SGCD: variants seen among roughly 807,000 people sequenced by gnomAD.
The protein encoded by SGCD is sarcoglycan delta.
In SGCD, 18 loss-of-function variants were observed where a neutral mutation model predicts 36.6. That is an observed-to-expected ratio of 0.49 (90% CI 0.34 to 0.73). The LOEUF (loss-of-function observed/expected upper bound fraction) is 0.73, where lower values mean the gene tolerates loss of function less well. Ranked by LOEUF, SGCD falls within the 30% of genes least tolerant of loss-of-function variation. SGCD has a pLI of 0.01. For missense variants in SGCD, 387 were observed against 346.7 expected, an observed-to-expected ratio of 1.12 and a Z score of -0.92; for synonymous variants, 133 against 130.6, an observed-to-expected ratio of 1.02 and a Z score of -0.12.
chr5:155,896,661 A>G (rs548245492), intron 1 of SGCD, among the ~76,000 whole-genome samples: 168 of 151,844 alleles, frequency 1.1e-3, no homozygotes, highest in African/African-American at 3.8e-3. Flanking sequence ...AAAAAAAGAC[A>G]ATAATAACAA....
At chr5:156,394,086 A>G (rs952087817) in intron 3 of SGCD, among the ~76,000 whole-genome samples, 3 of 152,228 alleles carry the variant, frequency 2.0e-5, no homozygotes, top group African/African-American at 4.8e-5. Context: ...TGAGAATACA[A>G]TATGTGGAGT....
At position 156,576,324 on chromosome 5, in the gene SGCD, T is replaced by C. The variant is rs538599352; in HGVS notation, c.295-12907T>C. Among the ~76,000 whole-genome samples the C allele has an allele frequency of 8.5e-5, 13 of 152,340 alleles. No homozygotes were observed. The East Asian group carries it at 1.9e-3, about 23-fold the overall frequency. ...CACATTTTCTTCATCCAGTCTATCATTGATGGACATTTGGGTTGGTTCCAA... is the reference window on the plus strand; with the variant it reads ...CACATTTTCTTCATCCAGTCTATCACTGATGGACATTTGGGTTGGTTCCAA... On this transcript the variant is annotated intron_variant, in intron 4 of 8. Coordinates refer to ENST00000337851, the MANE Select transcript of SGCD (RefSeq NM_000337.6).
chr5:156,214,317 T>C (rs1338410989), intron 3 of SGCD, among the ~76,000 whole-genome samples: 1 of 151,642 alleles, frequency 6.6e-6, no homozygotes, highest in Non-Finnish European at 1.5e-5. Context: ...AACAACAAAC[T>C]TCTGAAAAAT....
intron 3 of SGCD, among the ~76,000 whole-genome samples, chr5:156,143,178 A>G (rs1458901307): frequency 6.6e-6 from 1 of 152,210 alleles, no homozygotes; most frequent in Non-Finnish European, 1.5e-5. Flanking sequence ...CACTGCTTCA[A>G]AGAGTGCAAA....
chr5:156,557,625 A>G (rs1472178804), intron 4 of SGCD, among the ~76,000 whole-genome samples: 1 of 152,134 alleles, frequency 6.6e-6, no homozygotes, highest in East Asian at 1.9e-4. Flanking sequence ...ATACTGGAAG[A>G]TTATTAGAAG....
the SGCD span, among the ~76,000 whole-genome samples, chr5:155,757,300 A>G: frequency 1.3e-5 from 2 of 152,230 alleles, no homozygotes; most frequent in African/African-American, 4.8e-5. Context: ...CAGGTACTTC[A>G]CTAAGTGATT....
intron 1 of SGCD, among the ~76,000 whole-genome samples, chr5:156,003,629 C>T (rs775868323): frequency 6.6e-6 from 1 of 152,146 alleles, no homozygotes. Flanking sequence ...ATGATTTCCA[C>T]CAGTCCTCAT....
chr5:156,339,195 C>G (rs1200548723), intron 2 of SGCD, among the ~76,000 whole-genome samples: 3 of 152,176 alleles, frequency 2.0e-5, no homozygotes, highest in African/African-American at 7.2e-5. Context: ...TTCTTCCCAT[C>G]TAATGGCAAA....
chr5:156,002,276 G>A (rs557358923), intron 1 of SGCD, among the ~76,000 whole-genome samples: 4 of 152,252 alleles, frequency 2.6e-5, no homozygotes, highest in South Asian at 4.1e-4. Flanking sequence ...ATGGCACAGG[G>A]AGACGACACC....
At chr5:155,825,622 C>T in the SGCD span, among the ~76,000 whole-genome samples, 2 of 151,942 alleles carry the variant, frequency 1.3e-5, no homozygotes, top group Non-Finnish European at 2.9e-5. Context: ...AGAATTTTGC[C>T]TTTTCATACT....
chr5:155,877,949 C>A (rs762307409), intron 1 of SGCD, among the ~76,000 whole-genome samples: 25 of 152,028 alleles, frequency 1.6e-4, no homozygotes, highest in Non-Finnish European at 3.1e-4. Flanking sequence ...TTAATAAAGT[C>A]AGCCCCACTT....
At chr5:155,932,872 C>T (rs536499191) in intron 1 of SGCD, among the ~76,000 whole-genome samples, 7 of 152,166 alleles carry the variant, frequency 4.6e-5, no homozygotes, top group African/African-American at 7.2e-5. Flanking sequence ...AGGTGACCAC[C>T]GTGAAAAGCT....
At chr5:156,752,859 T>C (rs1757200634) in intron 7 of SGCD, among the ~76,000 whole-genome samples, 1 of 152,204 alleles carries the variant, frequency 6.6e-6, no homozygotes, top group Non-Finnish European at 1.5e-5. Flanking sequence ...GCTGTCCCCG[T>C]AGACAGCATC....
At chr5:156,465,104 C>T (rs1754663716) in intron 3 of SGCD, among the ~76,000 whole-genome samples, 2 of 151,990 alleles carry the variant, frequency 1.3e-5, no homozygotes, top group African/African-American at 4.8e-5. Flanking sequence ...TGTATGATTA[C>T]CAGAGGGATT....
At chr5:156,606,227 G>A (rs1761446190) in intron 6 of SGCD, among the ~76,000 whole-genome samples, 1 of 152,264 alleles carries the variant, frequency 6.6e-6, no homozygotes, top group South Asian at 2.1e-4. Context: ...TTTGTATAAG[G>A]TCTAAGGAAG....
At chr5:156,037,327 G>A (rs557270833) in intron 1 of SGCD, among the ~76,000 whole-genome samples, 14 of 152,160 alleles carry the variant, frequency 9.2e-5, no homozygotes, top group Non-Finnish European at 1.9e-4. Context: ...AACACTGTGT[G>A]TTCAAGGCAG....
At chr5:156,070,395 G>A (rs1261388107) in intron 1 of SGCD, among the ~76,000 whole-genome samples, 1 of 150,666 alleles carries the variant, frequency 6.6e-6, no homozygotes, top group African/African-American at 2.5e-5. Context: ...TCATCATGTG[G>A]TTTTTGTCTT....
At chr5:156,605,681 C>T (rs1761409670) in intron 6 of SGCD, among the ~76,000 whole-genome samples, 1 of 152,184 alleles carries the variant, frequency 6.6e-6, no homozygotes, top group Non-Finnish European at 1.5e-5. Context: ...TAAAAGTGTT[C>T]CTATTTCTCC....
intron 3 of SGCD, among the ~76,000 whole-genome samples, chr5:156,502,430 G>C (rs907092538): frequency 6.6e-6 from 1 of 152,128 alleles, no homozygotes; most frequent in Non-Finnish European, 1.5e-5. Context: ...ACAATCCTGG[G>C]CTCAAGTGAT....
Sources: allele counts gnomAD v4.1 joint callset (sites outside exome capture counted in the v4.1 genomes callset), GRCh38; gene constraint gnomAD v4.1.1; transcripts MANE v1.5; gene names NCBI Gene and HGNC (gene_info 2026-07-23, HGNC 2026-07-21).